The following ABCC1 variants were observed in gnomAD, a reference collection of about 807,000 sequenced individuals.
The protein encoded by ABCC1 is multidrug resistance-associated protein 1.
Under a neutral mutation model 172.9 loss-of-function variants are expected in ABCC1, and 83 were observed. The observed-to-expected ratio is 0.48, with a 90% CI of 0.40 to 0.58. The LOEUF is 0.58. ABCC1 is among the 20% of genes least tolerant of loss of function. ABCC1 has a pLI of 0.00. For synonymous variants in ABCC1, 937 were observed against 825.2 expected, an observed-to-expected ratio of 1.14 and a Z score of -2.32; for missense variants, 1,817 against 2,002.7, an observed-to-expected ratio of 0.91 and a Z score of 1.77.
At chr16:16,069,162 T>TAA (rs2050229958) in intron 13 of ABCC1, among the ~76,000 whole-genome samples, 3 of 135,924 alleles carry the variant, frequency 2.2e-5, no homozygotes, top group African/African-American at 8.8e-5. Flanking sequence ...TAAAATAAAA[T>TAA]AAAATAAAAA....
At chr16:16,086,691 ACCCCTGGTCTCAAG>A (rs1305870379) in intron 17 of ABCC1, 119 bp from the exon 18 acceptor site, 2 of 920,882 alleles carry the variant, frequency 2.2e-6, no homozygotes, top group African/African-American at 3.3e-5. Context: ...CTGGTCTCAA[ACCCCTGGTCTCAAG>A]CAGTCCTTCC....
In ABCC1 at chr16:16,124,826, A is replaced by G; in HGVS notation, c.3628A>G (p.Ile1210Val). 10 of 1,614,184 alleles carry G rather than the reference A, an allele frequency of 6.2e-6. No homozygotes were observed. Among genetic ancestry groups the G allele is most frequent in the Non-Finnish European group, 8.5e-6 (10 of 1,180,036 alleles). The change falls in exon 25 of 31, where the codon ATC (isoleucine) becomes GTC (valine). Residue 1210 changes from isoleucine (I) to valine (V), a missense_variant. By Grantham distance (29) the Ile-to-Val change is conservative (BLOSUM62 3). This residue lies in a region of ABCC1 where 1,412 missense variants were observed against 1,600.3 expected (regional missense o/e 0.88). Transcript: ENST00000399410. Reference protein sequence around the residue: ...AVRLECVGNCIVLFAALFAVI... With the variant: ...AVRLECVGNCVVLFAALFAVI... Reference sequence around the variant, plus strand: ...GCGGCTGGAGTGTGTGGGCAACTGCATCGTTCTGTTTGCTGCCCTGTTTGC... The same window carrying G: ...GCGGCTGGAGTGTGTGGGCAACTGCGTCGTTCTGTTTGCTGCCCTGTTTGC...
chr16:16,038,614 T>C (rs2048847083), intron 7 of ABCC1, among the ~76,000 whole-genome samples: 2 of 152,174 alleles, frequency 1.3e-5, no homozygotes, highest in Admixed American at 6.6e-5. Flanking sequence ...CAGTCTCGTC[T>C]GGAAACATCC....
At chr16:15,991,736 T>TAA (rs1410818830) in intron 1 of ABCC1, among the ~76,000 whole-genome samples, 1 of 152,242 alleles carries the variant, frequency 6.6e-6, no homozygotes, top group East Asian at 1.9e-4. Context: ...CTCCTAGAGT[T>TAA]ACGGGGAGGA....
intron 20 of ABCC1, among the ~76,000 whole-genome samples, chr16:16,106,280 G>A (rs756997582): frequency 1.3e-4 from 19 of 151,858 alleles, no homozygotes; most frequent in Admixed American, 3.3e-4. Context: ...AACTAGCTGG[G>A]TACTTTGCCC....
intron 26 of ABCC1, among the ~76,000 whole-genome samples, chr16:16,130,990 G>C (rs971522973): frequency 1.3e-5 from 2 of 152,020 alleles, no homozygotes; most frequent in African/African-American, 4.8e-5. Context: ...GTGTGGTGGC[G>C]GGTGTCTGTA....
chr16:16,090,692 C>T (rs930879155), intron 19 of ABCC1, 104 bp downstream of exon 19: 5 of 1,310,768 alleles, frequency 3.8e-6, no homozygotes, highest in Non-Finnish European at 5.1e-6. Flanking sequence ...AAGGCGGCTC[C>T]TCAGGGCATG....
chr16:16,080,960 G>A (rs1348492880), intron 16 of ABCC1, among the ~76,000 whole-genome samples: 1 of 152,064 alleles, frequency 6.6e-6, no homozygotes, highest in Non-Finnish European at 1.5e-5. Flanking sequence ...TGCCTCCTGG[G>A]TTCAACCGAT....
At position 16,079,420 on chromosome 16, in the gene ABCC1, C is replaced by G. The variant is rs2151982197; in HGVS notation, c.2057C>G (p.Ser686Cys). 6.2e-7 allele frequency: 1 copy of G among 1,614,008 alleles called. No homozygotes were observed. The highest frequency in any genetic ancestry group is 8.5e-7 in the Non-Finnish European group (1 of 1,179,914). Residue 686 changes from serine to cysteine, a missense_variant, in exon 16 of 31, where the codon TCC becomes TGC. Around this residue, in one of 3 missense-constraint regions of ABCC1, gnomAD observed 1,412 missense variants for 1,600.3 expected, o/e 0.88. Coordinates refer to ENST00000399410, the MANE Select transcript of ABCC1 (RefSeq NM_004996.4). ...GGCCAGGTGGGCTGCGGAAAGTCGT[C>G]CCTGCTCTCAGCCCTCTTGGCTGAG... ...VVGQVGCGKS[S>C]LLSALLAEMD...
intron 1 of ABCC1, among the ~76,000 whole-genome samples, chr16:15,968,594 C>G (rs931668761): frequency 1.3e-5 from 2 of 152,086 alleles, no homozygotes; most frequent in African/African-American, 4.8e-5. Context: ...CCAGGCTGGT[C>G]TCAAACTCAT....
At chr16:16,084,061 CACTT>C (rs1404063149) in intron 17 of ABCC1, among the ~76,000 whole-genome samples, 2 of 152,150 alleles carry the variant, frequency 1.3e-5, no homozygotes, top group African/African-American at 4.8e-5. Flanking sequence ...CAATAGCTAA[CACTT>C]ACTGAGCATT....
At chr16:16,110,018 C>T (rs956152793) in intron 21 of ABCC1, among the ~76,000 whole-genome samples, 2 of 152,192 alleles carry the variant, frequency 1.3e-5, no homozygotes, top group Admixed American at 1.3e-4. Flanking sequence ...CTCAGTTCCC[C>T]AGATGCACTG....
At chr16:16,055,346 T>G (rs1234716477) in intron 11 of ABCC1, among the ~76,000 whole-genome samples, 2 of 151,686 alleles carry the variant, frequency 1.3e-5, no homozygotes, top group African/African-American at 4.8e-5. Context: ...AGTCAGGAGT[T>G]CGAAACCAGC....
chr16:15,981,583 T>C (rs529841281), intron 1 of ABCC1, among the ~76,000 whole-genome samples: 3 of 152,228 alleles, frequency 2.0e-5, no homozygotes, highest in African/African-American at 4.8e-5. Flanking sequence ...TGGAACAAAG[T>C]GTACCAACTC....
chr16:16,083,227 C>A (rs2050873129), intron 16 of ABCC1, 139 bp from the exon 17 acceptor site: 3 of 833,214 alleles, frequency 3.6e-6, no homozygotes, highest in Non-Finnish European at 5.7e-6. Context: ...GAGTCAGTTT[C>A]CCTCTTGCCA....
At chr16:16,069,099 G>A (rs1413797398) in intron 13 of ABCC1, among the ~76,000 whole-genome samples, 2 of 149,564 alleles carry the variant, frequency 1.3e-5, no homozygotes, top group Non-Finnish European at 3.0e-5. Flanking sequence ...CTTAAGCCCA[G>A]GAGTTTGAGA....
intron 1 of ABCC1, among the ~76,000 whole-genome samples, chr16:16,001,312 C>G (rs944991385): frequency 6.6e-6 from 1 of 151,956 alleles, no homozygotes; most frequent in Non-Finnish European, 1.5e-5. Flanking sequence ...CCCGGGTGCA[C>G]GCCATTCTCC....
At chr16:16,041,294 G>A (rs1453498745) in intron 7 of ABCC1, among the ~76,000 whole-genome samples, 1 of 152,090 alleles carries the variant, frequency 6.6e-6, no homozygotes, top group East Asian at 1.9e-4. Context: ...GATATGATAA[G>A]CTGTGCCCTA....
At chr16:16,071,509 A>C (rs1470449341) in intron 13 of ABCC1, 133 bp from the exon 14 acceptor site, 3 of 661,464 alleles carry the variant, frequency 4.5e-6, no homozygotes, top group Non-Finnish European at 8.0e-6. Context: ...GTTCTAAGAA[A>C]TGTGGGACCT....
Sources: gnomAD v4.1 joint callset for allele counts (sites outside exome capture counted in the v4.1 genomes callset) on GRCh38, gnomAD v4.1.1 for gene constraint, gnomAD v4.1.1 regional missense constraint, MANE v1.5 for transcripts, NCBI Gene and HGNC (gene_info 2026-07-23, HGNC 2026-07-21) for gene names.